CSTA: variants seen among roughly 807,000 people sequenced by gnomAD.
The protein encoded by CSTA is cystatin-A.
Under a neutral mutation model 9.2 loss-of-function variants are expected in CSTA, and 9 were observed. The observed-to-expected ratio is 0.97, with a 90% CI of 0.59 to 1.70. CSTA has a LOEUF of 1.70. CSTA is among the 40% of genes most tolerant of loss of function. The pLI is 0.00. For missense variants in CSTA, 118 were observed against 113.1 expected (o/e 1.04, Z -0.20); for synonymous variants, 36 against 40.6 (o/e 0.89, Z 0.43).
intron 1 of CSTA, among the ~76,000 whole-genome samples, chr3:122,331,091 C>T (rs1047841049): frequency 1.4e-5 from 2 of 145,668 alleles, no homozygotes; most frequent in Non-Finnish European, 3.0e-5. Context: ...ATGCAATGTG[C>T]ATGCACACAA....
chr3:122,336,715 C>T (rs770829563), intron 1 of CSTA, among the ~76,000 whole-genome samples: 1 of 152,124 alleles, frequency 6.6e-6, no homozygotes. Context: ...GTAACTTTAC[C>T]GTGGAGAAAC....
intron 1 of CSTA, among the ~76,000 whole-genome samples, chr3:122,333,589 A>AAGAAAGAAAGAAAGAAAGAAAGAAAGAG (rs2075218580): frequency 6.8e-6 from 1 of 147,380 alleles, no homozygotes; most frequent in Non-Finnish European, 1.5e-5. Context: ...GAAAGAAAGA[A>AAGAAAGAAAGAAAGAAAGAAAGAAAGAG]AGAAGAAAGA....
intron 1 of CSTA, among the ~76,000 whole-genome samples, chr3:122,335,613 A>T (rs2075232147): frequency 6.6e-6 from 1 of 150,602 alleles, no homozygotes; most frequent in South Asian, 2.1e-4. Context: ...GATTTATTTT[A>T]TTATTTATTT....
intron 1 of CSTA, among the ~76,000 whole-genome samples, chr3:122,331,996 A>G (rs963740343): frequency 1.8e-4 from 27 of 152,332 alleles, no homozygotes; most frequent in African/African-American, 6.5e-4. Context: ...TGCAGTTCAC[A>G]ATAGGGTTCC....
At chr3:122,336,593 A>G (rs998228635) in intron 1 of CSTA, among the ~76,000 whole-genome samples, 5 of 152,196 alleles carry the variant, frequency 3.3e-5, no homozygotes, top group African/African-American at 1.2e-4. Context: ...ACCACAATTA[A>G]TCATTGTTGT....
chr3:122,340,692 G>T (rs1020918141), intron 2 of CSTA, among the ~76,000 whole-genome samples: 1 of 152,162 alleles, frequency 6.6e-6, no homozygotes. Context: ...TTCTGATATA[G>T]GTATGGGAAC....
intron 1 of CSTA, among the ~76,000 whole-genome samples, chr3:122,331,105 AC>A (rs2075202105): frequency 3.3e-5 from 1 of 30,474 alleles, no homozygotes; most frequent in Non-Finnish European, 6.4e-5. Context: ...CACACAACAA[AC>A]ACACACACAC....
intron 1 of CSTA, among the ~76,000 whole-genome samples, chr3:122,335,908 A>G: frequency 6.6e-6 from 1 of 151,856 alleles, no homozygotes; most frequent in South Asian, 2.1e-4. Flanking sequence ...CTGGGATTAC[A>G]GGCATGAGCC....
At chr3:122,333,709 AAAG>A (rs1225561331) in intron 1 of CSTA, among the ~76,000 whole-genome samples, 1 of 132,964 alleles carries the variant, frequency 7.5e-6, no homozygotes, top group Non-Finnish European at 1.6e-5. Flanking sequence ...AAAGAAAGAA[AAAG>A]AAAGAAAGAG....
intron 1 of CSTA, among the ~76,000 whole-genome samples, chr3:122,333,297 G>A (rs1401929993): frequency 6.6e-6 from 1 of 152,170 alleles, no homozygotes; most frequent in Admixed American, 6.5e-5. Context: ...GATCACCTGA[G>A]GCCAGGAGTT....
At chr3:122,327,383 G>A (rs183822760) in intron 1 of CSTA, among the ~76,000 whole-genome samples, 22 of 151,994 alleles carry the variant, frequency 1.4e-4, no homozygotes, top group African/African-American at 5.3e-4. Context: ...ACAAAAATCA[G>A]CTTGGCGTGG....
chr3:122,341,503 A>T lies in CSTA; in HGVS notation c.233A>T (p.Glu78Val). The T allele has an allele frequency of 6.2e-7, 1 of 1,614,150 alleles. No homozygotes were observed. Among genetic ancestry groups the T allele is most frequent in the Non-Finnish European group, 8.5e-7 (1 of 1,179,984 alleles). ...TTCAAAAGTCTTCCCGGACAAAATG[A>T]GGACTTGGTACTTACTGGATACCAG... ...KVFKSLPGQN[E>V]DLVLTGYQVD... is the part of the protein sequence containing the mutation. The change falls in exon 3 of 3, where the codon GAG (glutamate) becomes GTG (valine). Residue 78 changes from glutamate to valine, a missense_variant. Coordinates refer to ENST00000264474, the MANE Select transcript of CSTA (RefSeq NM_005213.4).
In CSTA at chr3:122,336,774, G is replaced by A. The variant is rs1044658720; in HGVS notation, c.67-773G>A. ...AAATTAACATCACCAGTAATGAAACGTAGCTCCTGATAGGATGCACTTAAG... is the reference window on the plus strand; with the variant it reads ...AAATTAACATCACCAGTAATGAAACATAGCTCCTGATAGGATGCACTTAAG... On this transcript the variant is annotated intron_variant, in intron 1 of 2. Transcript: ENST00000264474. Among the ~76,000 whole-genome samples, 9 of 152,286 alleles carry A rather than the reference G, an allele frequency of 5.9e-5. No homozygotes were observed. In the South Asian group the frequency reaches 8.3e-4, roughly 14 times the overall value.
intron 1 of CSTA, among the ~76,000 whole-genome samples, chr3:122,335,928 G>A (rs1176776475): frequency 4.7e-5 from 7 of 150,254 alleles, no homozygotes; most frequent in Admixed American, 6.6e-5. Context: ...CACCACACCC[G>A]GCCGTGGTAT....
intron 1 of CSTA, among the ~76,000 whole-genome samples, chr3:122,325,876 T>G (rs911848551): frequency 2.6e-5 from 4 of 152,212 alleles, no homozygotes; most frequent in African/African-American, 9.7e-5. Context: ...CTTTTCATAG[T>G]TAAAAGGTAA....
At chr3:122,332,868 T>C (rs1392049473) in intron 1 of CSTA, among the ~76,000 whole-genome samples, 2 of 152,170 alleles carry the variant, frequency 1.3e-5, no homozygotes, top group African/African-American at 4.8e-5. Flanking sequence ...CTAGTGCCCA[T>C]CCTGGGGAGT....
chr3:122,325,454 T>C, intron 1 of CSTA, 96 bp downstream of exon 1: 2 of 1,199,542 alleles, frequency 1.7e-6, no homozygotes, highest in South Asian at 1.2e-5. Flanking sequence ...AAACCAGAAG[T>C]TTAGGATGTT....
intron 2 of CSTA, among the ~76,000 whole-genome samples, chr3:122,340,930 G>A (rs2075262157): frequency 7.3e-6 from 1 of 137,458 alleles, no homozygotes; most frequent in African/African-American, 2.8e-5. Flanking sequence ...CTCTTGCCAT[G>A]CCATTAGTCT....
At position 122,341,653 on chromosome 3, in the gene CSTA, C is replaced by A; in HGVS notation, c.*86C>A. The A allele has an allele frequency of 1.4e-6, 2 of 1,451,684 alleles. No individual in the cohort carries two copies. Among genetic ancestry groups the A allele is most frequent in the Non-Finnish European group, 1.9e-6 (2 of 1,044,086 alleles). 89.9% of individuals were successfully genotyped at this position (1,451,684 alleles called of 1,614,324 possible). The stretch of plus-strand genomic sequence containing the variant: ...ATAAATATAACCATCAATAAAGAAG[C>A]ATTCTTTTCCAAAGAAATTATTTCT... On this transcript the variant is annotated 3_prime_UTR_variant, in exon 3 of 3. Transcript: ENST00000264474.
Sources: allele counts gnomAD v4.1 joint callset (sites outside exome capture counted in the v4.1 genomes callset), GRCh38; gene constraint gnomAD v4.1.1; transcripts MANE v1.5; gene names NCBI Gene and HGNC (gene_info 2026-07-23, HGNC 2026-07-21).